Variants in SGF29 observed in about 807,000 individuals in gnomAD.
SGF29 encodes SAGA complex associated factor 29.
A neutral mutation model predicts 38.1 loss-of-function variants in SGF29; 15 were observed. The observed-to-expected ratio is 0.39, with a 90% CI of 0.26 to 0.61. SGF29 has a LOEUF of 0.61. Ranked by LOEUF, SGF29 falls within the 20% of genes least tolerant of loss-of-function variation. SGF29 has a pLI of 0.49. For synonymous variants in SGF29, 151 were observed against 160.8 expected, an observed-to-expected ratio of 0.94 and a Z score of 0.46; for missense variants, 184 against 394.6, an observed-to-expected ratio of 0.47 and a Z score of 4.52.
intron 1 of SGF29, among the ~76,000 whole-genome samples, chr16:28,558,338 C>T (rs975270332): frequency 6.0e-5 from 9 of 150,990 alleles, no homozygotes; most frequent in African/African-American, 9.7e-5. Flanking sequence ...CTGGTCTTGA[C>T]CTCTTGACCT....
chr16:28,580,856 A>AT (rs1012448860), intron 1 of SGF29, among the ~76,000 whole-genome samples, 199 bp from the exon 2 acceptor site: 19 of 151,930 alleles, frequency 1.3e-4, no homozygotes, highest in Admixed American at 7.2e-4. Context: ...TAAGTTTTTA[A>AT]TTTTTTTGTA....
Position 28,562,105 on chromosome 16 carries a change from G to T in SGF29, c.-16+8008G>T, listed in dbSNP as rs530404407. ...TCTTTGGCCAGGCCATCATCGTGGG[G>T]TTATTCCTAGGTTTGGCAAGCGTCA... On this transcript the variant is annotated intron_variant, in intron 1 of 9. Coordinates refer to ENST00000317058, the MANE Select transcript of SGF29 (RefSeq NM_138414.3). Among the ~76,000 whole-genome samples, 11 of 152,304 alleles carry T rather than the reference G, an allele frequency of 7.2e-5. No individual in the cohort carries two copies. The South Asian group carries it at 2.1e-3, about 29-fold the overall frequency.
intron 1 of SGF29, among the ~76,000 whole-genome samples, chr16:28,574,723 C>CT (rs984208080): frequency 6.6e-6 from 1 of 152,220 alleles, no homozygotes; most frequent in Non-Finnish European, 1.5e-5. Context: ...CACACCTTCA[C>CT]TTTCTTTGTT....
intron 1 of SGF29, among the ~76,000 whole-genome samples, chr16:28,574,839 T>A (rs2046884230): frequency 6.6e-5 from 10 of 152,218 alleles, no homozygotes; most frequent in Admixed American, 6.5e-4. Context: ...ATGCTCAGAT[T>A]TATCCACTTC....
At position 28,564,620 on chromosome 16, in the gene SGF29, T is replaced by C. The variant is rs1014430301; in HGVS notation, c.-16+10523T>C. 1.2e-4 allele frequency among the ~76,000 whole-genome samples: 16 copies of C among 129,774 alleles called. No homozygotes were observed. In the South Asian group the frequency reaches 3.5e-3, roughly 29 times the overall value. The allele number at this position is 129,774 out of a possible 152,430, so 85.1% of individuals were successfully genotyped here. A position where few individuals can be genotyped will look rare whatever the true frequency, so the allele number is the denominator to read the frequency against. ...ACATATATGTGTATATATATACATATATGCATATATATACGTATATATGTG... is the reference window on the plus strand; with the variant it reads ...ACATATATGTGTATATATATACATACATGCATATATATACGTATATATGTG... On this transcript the variant is annotated intron_variant, in intron 1 of 9. Coordinates refer to ENST00000317058, the MANE Select transcript of SGF29 (RefSeq NM_138414.3).
intron 1 of SGF29, among the ~76,000 whole-genome samples, chr16:28,578,614 G>A (rs963774906): frequency 1.3e-5 from 2 of 151,886 alleles, no homozygotes; most frequent in Non-Finnish European, 2.9e-5. Context: ...ATTAAGTGGG[G>A]GGAAGAGTTT....
chr16:28,587,949 G>A (rs543196232), intron 4 of SGF29, among the ~76,000 whole-genome samples: 4 of 152,064 alleles, frequency 2.6e-5, no homozygotes, highest in South Asian at 2.1e-4. Context: ...ATAGACGCCC[G>A]CCACCACGCC....
intron 1 of SGF29, among the ~76,000 whole-genome samples, chr16:28,560,752 C>T (rs990873193): frequency 1.3e-5 from 2 of 151,652 alleles, no homozygotes; most frequent in Non-Finnish European, 2.9e-5. Flanking sequence ...ACGAGGTCAG[C>T]AGATCGAGAC....
chr16:28,574,491 C>T (rs534790586), intron 1 of SGF29, among the ~76,000 whole-genome samples: 1 of 152,280 alleles, frequency 6.6e-6, no homozygotes, highest in African/African-American at 2.4e-5. Context: ...TCCTTGGTGT[C>T]TGCATTCAAT....
At chr16:28,580,537 C>T (rs2046919105) in intron 1 of SGF29, among the ~76,000 whole-genome samples, 1 of 152,190 alleles carries the variant, frequency 6.6e-6, no homozygotes, top group African/African-American at 2.4e-5. Context: ...CTTCTGTCTG[C>T]ACCTGGCTGT....
intron 1 of SGF29, among the ~76,000 whole-genome samples, chr16:28,567,771 T>C (rs79877226): frequency 6.6e-6 from 1 of 152,288 alleles, no homozygotes; most frequent in Non-Finnish European, 1.5e-5. Context: ...ATGAGGAACA[T>C]GTTAGTGGAA....
chr16:28,565,733 C>T lies in SGF29; in HGVS notation c.-16+11636C>T, dbSNP rs138234015. On this transcript the variant is annotated intron_variant, in intron 1 of 9. Coordinates refer to ENST00000317058, the MANE Select transcript of SGF29 (RefSeq NM_138414.3). The stretch of plus-strand genomic sequence containing the variant: ...CAAACTCCTGACCTCGTGATCCACC[C>T]GCCTCGGCCTCCCAAAGTGCTGGGA... 8.6e-3 allele frequency among the ~76,000 whole-genome samples: 1,306 copies of T among 151,844 alleles called. 7 individuals carry two copies. The highest frequency in any genetic ancestry group is 0.012 in the Non-Finnish European group (783 of 67,924).
In SGF29 at chr16:28,591,724, G is replaced by A. The variant is rs774635915; in HGVS notation, c.*18G>A. 108 of 1,571,134 alleles carry A rather than the reference G, an allele frequency of 6.9e-5. 2 individuals are homozygous for A. The highest frequency in any genetic ancestry group is 5.0e-4 in the Middle Eastern group (3 of 5,994). ...AAAAGTGATGCCGCCTGGCAGACTCGCCATCCCCCAACGACACAGGGCAGG... is the reference window on the plus strand; with the variant it reads ...AAAAGTGATGCCGCCTGGCAGACTCACCATCCCCCAACGACACAGGGCAGG... On this transcript the variant is annotated 3_prime_UTR_variant, in exon 10 of 10. Transcript: ENST00000317058.
At chr16:28,574,494 C>G (rs2151648062) in intron 1 of SGF29, among the ~76,000 whole-genome samples, 1 of 152,318 alleles carries the variant, frequency 6.6e-6, no homozygotes, top group South Asian at 2.1e-4. Context: ...TTGGTGTCTG[C>G]ATTCAATTAA....
At chr16:28,581,875 C>T (rs896777045) in intron 2 of SGF29, among the ~76,000 whole-genome samples, 3 of 151,066 alleles carry the variant, frequency 2.0e-5, no homozygotes, top group Admixed American at 6.6e-5. Context: ...GCCGAGATGG[C>T]GCCACTGCAC....
At chr16:28,584,238 A>G (rs555671379) in intron 2 of SGF29, among the ~76,000 whole-genome samples, 14 of 151,954 alleles carry the variant, frequency 9.2e-5, no homozygotes, top group Non-Finnish European at 2.1e-4. Flanking sequence ...TGATCTGCCC[A>G]CTTTGGCCTT....
intron 4 of SGF29, among the ~76,000 whole-genome samples, chr16:28,587,825 A>C (rs1482454261): frequency 6.6e-6 from 1 of 151,948 alleles, no homozygotes; most frequent in Non-Finnish European, 1.5e-5. Context: ...TTTGAAATGG[A>C]GTTTCGCTCT....
At chr16:28,568,683 G>C (rs909915164) in intron 1 of SGF29, among the ~76,000 whole-genome samples, 1 of 152,112 alleles carries the variant, frequency 6.6e-6, no homozygotes, top group Non-Finnish European at 1.5e-5. Flanking sequence ...GGGAGGCCGA[G>C]GGGGATGGAT....
chr16:28,591,457 C>A, intron 9 of SGF29, 133 bp from the exon 10 acceptor site: 2 of 709,390 alleles, frequency 2.8e-6, no homozygotes, highest in Non-Finnish European at 5.1e-6. Context: ...ACTTCTTGAC[C>A]CCAGAGTGAA....
Sources: allele counts gnomAD v4.1 joint callset (sites outside exome capture counted in the v4.1 genomes callset), GRCh38; gene constraint gnomAD v4.1.1; transcripts MANE v1.5; gene names NCBI Gene and HGNC (gene_info 2026-07-23, HGNC 2026-07-21).